Variants in SCHIP1 observed in about 807,000 individuals in gnomAD.
SCHIP1 encodes the protein schwannomin-interacting protein 1.
SCHIP1 carries 8 observed loss-of-function variants against 29.7 expected under a neutral mutation model. The observed-to-expected ratio is 0.27, with a 90% CI of 0.16 to 0.49. The LOEUF (loss-of-function observed/expected upper bound fraction) is 0.49. Among genes scored for constraint, SCHIP1 ranks in the 20% least tolerant of loss-of-function variants. The pLI, the probability that SCHIP1 is intolerant of heterozygous loss-of-function variation, is 0.99. For synonymous variants in SCHIP1, 76 were observed against 94.9 expected, an observed-to-expected ratio of 0.80 and a Z score of 1.16; for missense variants, 193 against 294.6, an observed-to-expected ratio of 0.66 and a Z score of 2.52.
chr3:159,507,386 T>G, the SCHIP1 span, among the ~76,000 whole-genome samples: 2 of 152,230 alleles, frequency 1.3e-5, no homozygotes, highest in Non-Finnish European at 2.9e-5. Flanking sequence ...TGGGGTTTTC[T>G]AAATATACAA....
chr3:159,749,157 C>G, the SCHIP1 span, among the ~76,000 whole-genome samples: 2,042 of 151,936 alleles, frequency 0.013, 44 homozygotes, highest in African/African-American at 0.047. Context: ...CTACTGTAGT[C>G]CCAGTTACTG....
At chr3:159,406,746 G>A in the SCHIP1 span, among the ~76,000 whole-genome samples, 2 of 152,046 alleles carry the variant, frequency 1.3e-5, no homozygotes, top group African/African-American at 2.4e-5. Flanking sequence ...AAAAGTGGGG[G>A]GACAAAGTTA....
the SCHIP1 span, among the ~76,000 whole-genome samples, chr3:159,649,387 A>G: frequency 2.0e-5 from 3 of 152,206 alleles, no homozygotes; most frequent in African/African-American, 7.2e-5. Flanking sequence ...ATAAACAATG[A>G]ATGTTGAGGG....
chr3:159,860,370 G>A (rs1713914034), intron 1 of SCHIP1, among the ~76,000 whole-genome samples: 1 of 152,128 alleles, frequency 6.6e-6, no homozygotes, highest in African/African-American at 2.4e-5. Flanking sequence ...TGCAACTCCT[G>A]GAGCTTATTA....
chr3:159,332,451 T>A, the SCHIP1 span, among the ~76,000 whole-genome samples: 3 of 152,210 alleles, frequency 2.0e-5, no homozygotes, highest in Admixed American at 2.0e-4. Flanking sequence ...ATTTTTACAT[T>A]GTAATGCTCT....
At chr3:159,689,970 C>G in the SCHIP1 span, among the ~76,000 whole-genome samples, 2 of 152,126 alleles carry the variant, frequency 1.3e-5, no homozygotes, top group Non-Finnish European at 2.9e-5. Flanking sequence ...GGTGGATAAG[C>G]TTTTTGATGT....
the SCHIP1 span, among the ~76,000 whole-genome samples, chr3:159,628,530 T>G: frequency 2.6e-5 from 4 of 151,870 alleles, 1 homozygote; most frequent in African/African-American, 9.7e-5. Flanking sequence ...TTCAAGAAAA[T>G]GCAAAACAAG....
the SCHIP1 span, among the ~76,000 whole-genome samples, chr3:159,796,208 G>A: frequency 6.6e-6 from 1 of 152,212 alleles, no homozygotes; most frequent in Non-Finnish European, 1.5e-5. Flanking sequence ...TGATGGTGGT[G>A]AGAATGCATT....
chr3:159,337,148 A>C, the SCHIP1 span, among the ~76,000 whole-genome samples: 62,867 of 151,170 alleles, frequency 0.42, 13,340 homozygotes, highest in Non-Finnish European at 0.47. Context: ...ATTCAACAAC[A>C]CTTCATACTA....
the SCHIP1 span, among the ~76,000 whole-genome samples, chr3:159,662,037 A>G: frequency 2.6e-4 from 39 of 152,178 alleles, no homozygotes; most frequent in Non-Finnish European, 4.9e-4. Flanking sequence ...CTGACTCATC[A>G]TGGTCACCTT....
At chr3:159,831,793 C>A in the SCHIP1 span, among the ~76,000 whole-genome samples, 1 of 152,136 alleles carries the variant, frequency 6.6e-6, no homozygotes, top group South Asian at 2.1e-4. Flanking sequence ...GAATTTAAAA[C>A]TTATGAATTG....
At chr3:159,637,404 C>CAA in the SCHIP1 span, among the ~76,000 whole-genome samples, 23 of 151,776 alleles carry the variant, frequency 1.5e-4, no homozygotes, top group Non-Finnish European at 5.9e-5. Context: ...CACACACACA[C>CAA]ACACACACAC....
the SCHIP1 span, chr3:159,274,661 C>T: frequency 1.2e-6 from 1 of 814,074 alleles, no homozygotes; most frequent in Non-Finnish European, 1.5e-6. Context: ...AGAAATAATA[C>T]TTTGAATTAC....
chr3:159,408,398 G>GAC, the SCHIP1 span, among the ~76,000 whole-genome samples: 767 of 55,920 alleles, frequency 0.014, 3 homozygotes, highest in Non-Finnish European at 0.021. Context: ...ATTTTGCAAT[G>GAC]ATAAAAAAAA....
At chr3:159,611,677 C>G in the SCHIP1 span, among the ~76,000 whole-genome samples, 4 of 152,086 alleles carry the variant, frequency 2.6e-5, no homozygotes, top group Admixed American at 6.5e-5. Context: ...GCACATGTAT[C>G]CCAGAACTTA....
At chr3:159,275,231 A>G in the SCHIP1 span, 2 of 336,878 alleles carry the variant, frequency 5.9e-6, no homozygotes, top group Non-Finnish European at 8.4e-6. Flanking sequence ...TTATGATTTC[A>G]GTTTTTTTAA....
the SCHIP1 span, among the ~76,000 whole-genome samples, chr3:159,460,384 A>G: frequency 3.3e-5 from 5 of 152,216 alleles, no homozygotes; most frequent in Non-Finnish European, 7.3e-5. Context: ...GGAGATAACC[A>G]ACAAAGACCC....
the SCHIP1 span, among the ~76,000 whole-genome samples, chr3:159,711,485 T>TA: frequency 4.9e-5 from 7 of 144,226 alleles, no homozygotes; most frequent in Non-Finnish European, 1.1e-4. Flanking sequence ...TGCAAGAAGG[T>TA]AAAACAATGA....
chr3:159,517,504 A>G, the SCHIP1 span, among the ~76,000 whole-genome samples: 5 of 152,186 alleles, frequency 3.3e-5, no homozygotes, highest in Admixed American at 2.6e-4. Flanking sequence ...GCATTTTAAG[A>G]AAGTAAGTGT....
Sources: allele counts gnomAD v4.1 joint callset (sites outside exome capture counted in the v4.1 genomes callset), GRCh38; gene constraint gnomAD v4.1.1; transcripts MANE v1.5; gene names NCBI Gene and HGNC (gene_info 2026-07-23, HGNC 2026-07-21).